Variants in FBXL13 observed in about 807,000 individuals in gnomAD.
FBXL13 encodes the protein F-box and leucine-rich repeat protein 13.
A neutral mutation model predicts 83.6 loss-of-function variants in FBXL13; 67 were observed. The observed-to-expected ratio is 0.80, with a 90% CI of 0.66 to 0.98. The LOEUF is 0.98. Among genes scored for constraint, FBXL13 ranks in the 50% least tolerant of loss-of-function variants. The probability of loss-of-function intolerance (pLI) is 0.00; values close to 1 mark genes in which losing one functional copy is unlikely to be tolerated. For synonymous variants in FBXL13, 272 were observed against 299.5 expected (o/e 0.91, Z 0.95); for missense variants, 822 against 866.5 (o/e 0.95, Z 0.64).
At chr7:102,884,594 C>T (rs1810547403) in intron 11 of FBXL13, among the ~76,000 whole-genome samples, 1 of 152,018 alleles carries the variant, frequency 6.6e-6, no homozygotes, top group African/African-American at 2.4e-5. Context: ...GGAGGATCAC[C>T]TCAGCCAGGA....
chr7:102,874,261 G>T, intron 16 of FBXL13: 1 of 772,460 alleles, frequency 1.3e-6, no homozygotes, highest in Admixed American at 6.3e-5. Context: ...AATCAATCAG[G>T]CTGGTGTTTA....
At chr7:102,821,047 A>G (rs1344369387) in intron 19 of FBXL13, among the ~76,000 whole-genome samples, 1 of 152,232 alleles carries the variant, frequency 6.6e-6, no homozygotes, top group Non-Finnish European at 1.5e-5. Flanking sequence ...TATAATCAAA[A>G]AATTAGAAGC....
At chr7:102,931,761 G>T in intron 9 of FBXL13, 120 bp downstream of exon 10, 1 of 828,260 alleles carries the variant, frequency 1.2e-6, no homozygotes. Context: ...GTTTAACATA[G>T]TTTGCTCTTT....
intron 6 of FBXL13, among the ~76,000 whole-genome samples, chr7:103,006,231 GA>G (rs1439701954): frequency 6.6e-6 from 1 of 152,196 alleles, no homozygotes; most frequent in Admixed American, 6.5e-5. Context: ...TTTTAGGGCA[GA>G]AAAGTGGGAG....
At chr7:102,981,418 C>T (rs572507471) in intron 6 of FBXL13, among the ~76,000 whole-genome samples, 1 of 152,272 alleles carries the variant, frequency 6.6e-6, no homozygotes, top group East Asian at 1.9e-4. Flanking sequence ...CCTTACCCAC[C>T]TCTTTTTCTG....
intron 14 of FBXL13, among the ~76,000 whole-genome samples, chr7:102,882,930 C>T (rs939005437): frequency 5.3e-5 from 8 of 151,992 alleles, no homozygotes; most frequent in African/African-American, 1.9e-4. Context: ...ATCCAGTACC[C>T]AAGAGGAAAA....
At chr7:102,876,186 C>T (rs1174010621) in intron 16 of FBXL13, among the ~76,000 whole-genome samples, 1 of 152,166 alleles carries the variant, frequency 6.6e-6, no homozygotes, top group East Asian at 1.9e-4. Flanking sequence ...GAGCCCAGAG[C>T]AAGGCAGACA....
intron 7 of FBXL13, among the ~76,000 whole-genome samples, chr7:102,964,342 G>C (rs981178109): frequency 6.7e-6 from 1 of 149,980 alleles, no homozygotes; most frequent in Non-Finnish European, 1.5e-5. Context: ...ATAGAGCTAA[G>C]GAAATTTGGG....
At chr7:103,073,084 C>T (rs1489115230) in intron 1 of FBXL13, among the ~76,000 whole-genome samples, 1 of 152,198 alleles carries the variant, frequency 6.6e-6, no homozygotes, top group Non-Finnish European at 1.5e-5. Flanking sequence ...TAAATTAAAA[C>T]AATACAGCTA....
intron 5 of FBXL13, 49 bp from the exon 7 acceptor site, chr7:103,025,279 A>G (rs752922905): frequency 1.8e-5 from 23 of 1,268,756 alleles, no homozygotes; most frequent in Non-Finnish European, 2.4e-5. Flanking sequence ...GTAACGGTCA[A>G]GAGAGATGAC....
chr7:102,988,988 G>A (rs1829288032), intron 6 of FBXL13: 1 of 152,194 alleles, frequency 6.6e-6, no homozygotes, highest in Non-Finnish European at 1.5e-5. Context: ...TTCAGAAGGT[G>A]AGACCACTCA....
At chr7:103,044,323 G>A (rs1796056704) in intron 2 of FBXL13, among the ~76,000 whole-genome samples, 1 of 152,192 alleles carries the variant, frequency 6.6e-6, no homozygotes, top group African/African-American at 2.4e-5. Flanking sequence ...TGTAGACTCT[G>A]TATGAATTCT....
chr7:102,993,733 A>G (rs993625894), intron 6 of FBXL13, among the ~76,000 whole-genome samples: 1 of 152,174 alleles, frequency 6.6e-6, no homozygotes, highest in Non-Finnish European at 1.5e-5. Flanking sequence ...AGCATTTCCT[A>G]ACGGGTAAAT....
At chr7:102,960,412 G>A (rs1049084839) in intron 8 of FBXL13, among the ~76,000 whole-genome samples, 6 of 152,042 alleles carry the variant, frequency 3.9e-5, no homozygotes, top group Non-Finnish European at 8.8e-5. Context: ...GGTACAAGGA[G>A]AAACTGGTAC....
intron 6 of FBXL13, among the ~76,000 whole-genome samples, chr7:103,012,141 T>G (rs947886821): frequency 1.3e-5 from 2 of 152,098 alleles, no homozygotes; most frequent in African/African-American, 4.8e-5. Context: ...TTTGGGAGGC[T>G]GAGGCTGGTG....
intron 9 of FBXL13, among the ~76,000 whole-genome samples, chr7:102,927,820 A>G (rs1818416895): frequency 6.6e-6 from 1 of 152,248 alleles, no homozygotes; most frequent in Admixed American, 6.5e-5. Flanking sequence ...AATTTTTCCA[A>G]AAAGAATCTA....
intron 10 of FBXL13, among the ~76,000 whole-genome samples, chr7:102,920,038 CA>C (rs1481065416): frequency 6.6e-6 from 1 of 152,250 alleles, no homozygotes; most frequent in East Asian, 1.9e-4. Context: ...TGTGTTCATA[CA>C]GGGGAGTAGG....
At chr7:102,928,854 C>T (rs531329141) in intron 9 of FBXL13, among the ~76,000 whole-genome samples, 4 of 152,300 alleles carry the variant, frequency 2.6e-5, no homozygotes, top group East Asian at 3.9e-4. Flanking sequence ...AAGGAGCCCA[C>T]GTTCACTTTG....
At chr7:102,924,459 G>A (rs80205802) in intron 10 of FBXL13, among the ~76,000 whole-genome samples, 7,947 of 152,058 alleles carry the variant, frequency 0.052, 278 homozygotes, top group South Asian at 0.13. Context: ...AAGACTGTGT[G>A]TAAGAGCATC....
Sources: allele counts gnomAD v4.1 joint callset (sites outside exome capture counted in the v4.1 genomes callset), GRCh38; gene constraint gnomAD v4.1.1; transcripts MANE v1.5; gene names NCBI Gene and HGNC (gene_info 2026-07-23, HGNC 2026-07-21).